The following KIAA0513 variants were observed in gnomAD, a reference collection of about 807,000 sequenced individuals.
The protein encoded by KIAA0513 is KIAA0513.
In KIAA0513, 39 loss-of-function variants were observed where a neutral mutation model predicts 56.5. That is an observed-to-expected ratio of 0.69 (90% CI 0.53 to 0.90). The LOEUF (loss-of-function observed/expected upper bound fraction) is 0.90. Ranked by LOEUF, KIAA0513 falls within the 40% of genes least tolerant of loss-of-function variation. The pLI, the probability that KIAA0513 is intolerant of heterozygous loss-of-function variation, is 0.00. For missense variants in KIAA0513, 591 were observed against 535.2 expected, an observed-to-expected ratio of 1.10 and a Z score of -1.03; for synonymous variants, 268 against 215.6, an observed-to-expected ratio of 1.24 and a Z score of -2.13.
At chr16:85,039,237 G>T (rs1191675241) in intron 1 of KIAA0513, among the ~76,000 whole-genome samples, 2 of 152,198 alleles carry the variant, frequency 1.3e-5, no homozygotes, top group Non-Finnish European at 2.9e-5. Context: ...AATGTCGCAA[G>T]GTTCCTTGTA....
chr16:85,052,878 A>G (rs2073273718), intron 1 of KIAA0513, among the ~76,000 whole-genome samples: 1 of 151,946 alleles, frequency 6.6e-6, no homozygotes, highest in Non-Finnish European at 1.5e-5. Context: ...CTTCGGATCA[A>G]ATTTTTATTT....
At chr16:85,066,435 G>A (rs2073482305) in intron 1 of KIAA0513, among the ~76,000 whole-genome samples, 1 of 152,190 alleles carries the variant, frequency 6.6e-6, no homozygotes, top group Admixed American at 6.5e-5. Context: ...GTCCGGGAAT[G>A]CTTTTGACGA....
At chr16:85,065,834 A>G (rs943349770) in intron 1 of KIAA0513, among the ~76,000 whole-genome samples, 6 of 152,332 alleles carry the variant, frequency 3.9e-5, no homozygotes, top group Non-Finnish European at 7.3e-5. Flanking sequence ...CTTCTAAACC[A>G]GCAGTCAGGA....
At chr16:85,067,793 A>C (rs1368624349) in intron 2 of KIAA0513, among the ~76,000 whole-genome samples, 1 of 151,360 alleles carries the variant, frequency 6.6e-6, no homozygotes, top group Admixed American at 6.6e-5. Flanking sequence ...CTTTTTGTTT[A>C]TTTTCTTTTC....
chr16:85,033,338 G>T (rs1454186958), intron 1 of KIAA0513, among the ~76,000 whole-genome samples: 2 of 152,178 alleles, frequency 1.3e-5, no homozygotes, highest in Admixed American at 6.5e-5. Context: ...GCTGCTTCAG[G>T]TCAGGATGCA....
intron 1 of KIAA0513, among the ~76,000 whole-genome samples, chr16:85,030,511 C>T (rs2072949376): frequency 6.6e-6 from 1 of 152,118 alleles, no homozygotes; most frequent in African/African-American, 2.4e-5. Flanking sequence ...CTTTGGGAGG[C>T]CGAGGCAGGT....
At chr16:85,087,717 C>T (rs911606015) in intron 12 of KIAA0513, among the ~76,000 whole-genome samples, 2 of 152,210 alleles carry the variant, frequency 1.3e-5, no homozygotes, top group Non-Finnish European at 2.9e-5. Flanking sequence ...GGTTCTTCTT[C>T]ATCGAAAAGG....
At chr16:85,036,663 A>G (rs899488252) in intron 1 of KIAA0513, among the ~76,000 whole-genome samples, 1 of 152,156 alleles carries the variant, frequency 6.6e-6, no homozygotes, top group African/African-American at 2.4e-5. Context: ...GTGTTACGCC[A>G]CAGACCTTAC....
intron 1 of KIAA0513, among the ~76,000 whole-genome samples, chr16:85,031,620 A>C (rs1224727438): frequency 6.6e-6 from 1 of 152,136 alleles, no homozygotes. Flanking sequence ...TGCTGCTGTC[A>C]TTCACCACGG....
At position 85,067,365 on chromosome 16, in the gene KIAA0513, C is replaced by T. The variant is rs2073501878; in HGVS notation, c.294C>T (p.Phe98=). The change falls in exon 2 of 13, where the codon TTC becomes TTT. Residue 98 remains phenylalanine, a synonymous_variant. Transcript: ENST00000683363. ...AAGAGACCCTGGCACTCAGGGACTT[C>T]ATGCGTGGCTACGTGGAGAAGATCT... The part of the protein sequence containing the change: ...QDEETLALRD[F]MRGYVEKIFS... The T allele has an allele frequency of 6.2e-7, 1 of 1,607,520 alleles. No individual in the cohort carries two copies. The highest frequency in any genetic ancestry group is 1.7e-5 in the Admixed American group (1 of 59,982).
At chr16:85,071,202 C>T (rs564122678) in intron 2 of KIAA0513, among the ~76,000 whole-genome samples, 5 of 152,142 alleles carry the variant, frequency 3.3e-5, no homozygotes, top group Admixed American at 1.3e-4. Flanking sequence ...GGTCTCCATC[C>T]CTCTCACACA....
chr16:85,066,531 T>A lies in KIAA0513; in HGVS notation c.-172-369T>A, dbSNP rs116067289. On this transcript the variant is annotated intron_variant, in intron 1 of 12. Transcript: ENST00000683363. ...GGGAGGTTCTTCCGTAGCCACTGAT[T>A]CCAGTGACAGCTAGCGGGCAGGTGG... Among the ~76,000 whole-genome samples, 555 of 152,238 alleles carry A rather than the reference T, an allele frequency of 3.6e-3. 2 individuals carry two copies. Among genetic ancestry groups the A allele is most frequent in the African/African-American group, 0.013 (537 of 41,516 alleles).
intron 10 of KIAA0513, among the ~76,000 whole-genome samples, chr16:85,083,631 C>G (rs2073774217): frequency 6.6e-6 from 1 of 152,170 alleles, no homozygotes; most frequent in African/African-American, 2.4e-5. Flanking sequence ...GTGGTCTGTC[C>G]TGAGCTCAGC....
chr16:85,033,178 C>T lies in KIAA0513; in HGVS notation c.-173+5320C>T, dbSNP rs138032376. On this transcript the variant is annotated intron_variant, in intron 1 of 12. Coordinates refer to ENST00000683363, the MANE Select transcript of KIAA0513 (RefSeq NM_001388359.1). The stretch of plus-strand genomic sequence containing the variant: ...TATGATTTGCGAGACAAGTACTGAC[C>T]GTTGTGCTTCACCGTGAAGAGGTCG... 1.8e-3 allele frequency among the ~76,000 whole-genome samples: 281 copies of T among 152,250 alleles called. 2 individuals are homozygous for T. Among genetic ancestry groups the T allele is most frequent in the African/African-American group, 6.5e-3 (268 of 41,548 alleles).
intron 1 of KIAA0513, among the ~76,000 whole-genome samples, chr16:85,035,751 G>A (rs1348138239): frequency 1.3e-5 from 2 of 152,116 alleles, no homozygotes; most frequent in Admixed American, 6.5e-5. Context: ...GGCTGAGGCG[G>A]GCGGATCATG....
At position 85,081,850 on chromosome 16, in the gene KIAA0513, G is replaced by T. The variant is rs1169872022; in HGVS notation, c.980+458G>T. Among the ~76,000 whole-genome samples, 1 of 152,230 alleles carries T rather than the reference G, an allele frequency of 6.6e-6. No individual in the cohort carries two copies. Among genetic ancestry groups the T allele is most frequent in the Non-Finnish European group, 1.5e-5 (1 of 68,040 alleles). ...ACCTCTTGGGTCTGCAGCCTGAGCA[G>T]ACCTTCCCAGCTTCACCGAGGGCCA... On this transcript the variant is annotated intron_variant, in intron 9 of 12. Coordinates refer to ENST00000683363, the MANE Select transcript of KIAA0513 (RefSeq NM_001388359.1). This position sits in a 1 kb window ranked among gnomAD's most constrained non-coding sequence, Gnocchi z 4.4.
Position 85,067,186 on chromosome 16 carries a change from G to C in KIAA0513, c.115G>C (p.Gly39Arg). 3 of 1,614,164 alleles carry C rather than the reference G, an allele frequency of 1.9e-6. No individual in the cohort carries two copies. Among genetic ancestry groups the C allele is most frequent in the Non-Finnish European group, 2.5e-6 (3 of 1,180,016 alleles). The stretch of plus-strand genomic sequence containing the variant: ...GCTGCAGGACGGCGATGGCTCCCTG[G>C]GGGACGGTGCATCAGAGAGTGAGAC... ...PVLQDGDGSL[G>R]DGASESETTE... The change falls in exon 2 of 13, where the codon GGG becomes CGG. Residue 39 changes from glycine to arginine, a missense_variant. Coordinates refer to ENST00000683363, the MANE Select transcript of KIAA0513 (RefSeq NM_001388359.1).
intron 1 of KIAA0513, among the ~76,000 whole-genome samples, chr16:85,065,656 C>G (rs1394114686): frequency 1.3e-5 from 2 of 152,220 alleles, no homozygotes; most frequent in African/African-American, 4.8e-5. Context: ...GCGTTCAGTT[C>G]AGCAGTTTCA....
At position 85,071,875 on chromosome 16, in the gene KIAA0513, G is replaced by C. The variant is rs2073581412; in HGVS notation, c.422G>C (p.Ser141Thr). ...CGGGAGTGGTTTGCTCGATACGTGA[G>C]TGCCCAGGTAAGGGCGAGGTGATGG... ...KGREWFARYV[S>T]AQRCNSKCVS... Residue 141 changes from serine to threonine, a missense_variant, in exon 3 of 13, where the codon AGT (serine) becomes ACT (threonine). By Grantham distance (58) the Ser-to-Thr change is moderately conservative. Coordinates refer to ENST00000683363, the MANE Select transcript of KIAA0513 (RefSeq NM_001388359.1). The C allele has an allele frequency of 1.6e-5, 26 of 1,607,728 alleles. No individual in the cohort carries two copies. The highest frequency in any genetic ancestry group is 2.2e-5 in the Non-Finnish European group (26 of 1,174,984).
Sources: allele counts gnomAD v4.1 joint callset (sites outside exome capture counted in the v4.1 genomes callset), GRCh38; gene constraint gnomAD v4.1.1; non-coding constraint Gnocchi (gnomAD v3.1); transcripts MANE v1.5; gene names NCBI Gene and HGNC (gene_info 2026-07-23, HGNC 2026-07-21).